Variants in GATAD2A observed in about 807,000 individuals in gnomAD.
GATAD2A encodes transcriptional repressor p66-alpha.
GATAD2A carries 12 observed loss-of-function variants against 68.5 expected under a neutral mutation model. The ratio of observed to expected loss-of-function variants is 0.18; its 90% CI spans 0.11 to 0.28. GATAD2A has a LOEUF of 0.28. GATAD2A is among the 10% of genes least tolerant of loss of function. GATAD2A has a pLI of 1.00. For synonymous variants in GATAD2A, 410 were observed against 375.3 expected, an observed-to-expected ratio of 1.09 and a Z score of -1.07; for missense variants, 755 against 868.5, an observed-to-expected ratio of 0.87 and a Z score of 1.64.
chr19:19,407,855 T>A, intron 1 of GATAD2A, among the ~76,000 whole-genome samples: 1 of 152,262 alleles, frequency 6.6e-6, no homozygotes, highest in East Asian at 1.9e-4. Flanking sequence ...AGGGATTTTC[T>A]GTATCCTCTG....
At chr19:19,451,965 A>C (rs538080471) in intron 1 of GATAD2A, among the ~76,000 whole-genome samples, 40 of 152,224 alleles carry the variant, frequency 2.6e-4, no homozygotes, top group Non-Finnish European at 5.7e-4. Flanking sequence ...TGGCCTCCCA[A>C]AGTGCTGGGA....
In GATAD2A at chr19:19,498,571, G is replaced by A. The variant is rs750903940; in HGVS notation, c.1053G>A (p.Ala351=). Residue 351 remains alanine (A), a synonymous_variant, in exon 8 of 12, where the codon GCG becomes GCA. Coordinates refer to ENST00000683918, the MANE Select transcript of GATAD2A (RefSeq NM_001384528.1). ...PASRQAAAKL[A]LRKQLEKTLL... ...GCCGACAGGCGGCCGCCAAGCTGGC[G>A]CTGCGCAAACAGCTGGAGAAGACGC... 13 of 1,613,766 alleles carry A rather than the reference G, an allele frequency of 8.1e-6. No homozygotes were observed. In the East Asian group the frequency reaches 1.1e-4, roughly 14 times the overall value.
In GATAD2A at chr19:19,507,812, C is replaced by T. The variant is rs189090856; in HGVS notation, c.*2338C>T. Reference sequence around the variant, plus strand: ...AGATGCCTTAATCTTTCCTTCATTTCTGCTGTCTCGAACACTCTAGCCCAT... The same window carrying T: ...AGATGCCTTAATCTTTCCTTCATTTTTGCTGTCTCGAACACTCTAGCCCAT... On this transcript the variant is annotated 3_prime_UTR_variant, in exon 12 of 12. Coordinates refer to ENST00000683918, the MANE Select transcript of GATAD2A (RefSeq NM_001384528.1). 1 of 152,264 alleles carries T rather than the reference C, an allele frequency of 6.6e-6. No homozygotes were observed. Among genetic ancestry groups the T allele is most frequent in the East Asian group, 1.9e-4 (1 of 5,192 alleles). 9.4% of individuals were successfully genotyped at this position (152,264 alleles called of 1,614,324 possible).
At chr19:19,438,572 T>G (rs951489922) in intron 1 of GATAD2A, among the ~76,000 whole-genome samples, 1 of 152,240 alleles carries the variant, frequency 6.6e-6, no homozygotes, top group Admixed American at 6.5e-5. Flanking sequence ...TGGCCCTTTC[T>G]TAACTCAGAA....
In GATAD2A at chr19:19,492,288, A is replaced by G. The variant is rs989612914; in HGVS notation, c.270-18A>G. ...AGCTGTCAAGGGCGCTCTGGTCACT[A>G]CTGTCTCCACCCCACAGTGACATGA... On this transcript the variant is annotated intron_variant, in intron 2 of 11. Transcript: ENST00000683918. The G allele has an allele frequency of 6.3e-7, 1 of 1,594,574 alleles. No homozygotes were observed. The highest frequency in any genetic ancestry group is 1.7e-5 in the Admixed American group (1 of 57,288).
chr19:19,411,964 C>T (rs759512494), intron 1 of GATAD2A, among the ~76,000 whole-genome samples: 3 of 151,996 alleles, frequency 2.0e-5, no homozygotes, highest in Non-Finnish European at 4.4e-5. Flanking sequence ...CAAGGCCGGG[C>T]GCGGCAGCTC....
Position 19,410,840 on chromosome 19 carries a change from C to T in GATAD2A, c.-7+4821C>T, listed in dbSNP as rs539218615. On this transcript the variant is annotated intron_variant, in intron 1 of 11. Coordinates refer to ENST00000683918, the MANE Select transcript of GATAD2A (RefSeq NM_001384528.1). ...TAGCGAAAGACCTTGTTGAACATCA[C>T]CCCTGTTTCCCATTTCTGTCAAGGG... is the stretch of plus-strand genomic sequence containing the variant. 5.9e-5 allele frequency among the ~76,000 whole-genome samples: 9 copies of T among 152,332 alleles called. No homozygotes were observed. The South Asian group carries it at 1.7e-3, about 28-fold the overall frequency.
In GATAD2A at chr19:19,492,574, C is replaced by T. The variant is rs1197277979; in HGVS notation, c.403-7C>T. The T allele has an allele frequency of 3.7e-6, 6 of 1,614,198 alleles. No homozygotes were observed. Among genetic ancestry groups the T allele is most frequent in the Non-Finnish European group, 4.2e-6 (5 of 1,180,020 alleles). On this transcript the variant is annotated splice_region_variant and splice_polypyrimidine_tract_variant and intron_variant, in intron 3 of 11. Coordinates refer to ENST00000683918, the MANE Select transcript of GATAD2A (RefSeq NM_001384528.1). ...CCCTCTCAACCCTGTTCCTCTCGCCCCTGCAGAAAAGCAGTCCTGAAGAAC... is the reference window on the plus strand; with the variant it reads ...CCCTCTCAACCCTGTTCCTCTCGCCTCTGCAGAAAAGCAGTCCTGAAGAAC...
In GATAD2A at chr19:19,465,545, C is replaced by T. The variant is rs370240766; in HGVS notation, c.200C>T (p.Thr67Met). ...TQGLLRATEA[T>M]AMAMGRGEGL... ...GGATTGCTGAGGGCAACAGAGGCCACGGCCATGGCCATGGGCAGAGGCGAA... is the reference window on the plus strand; with the variant it reads ...GGATTGCTGAGGGCAACAGAGGCCATGGCCATGGCCATGGGCAGAGGCGAA... The change falls in exon 2 of 12, where the codon ACG (threonine) becomes ATG (methionine). Residue 67 changes from threonine to methionine, a missense_variant. By Grantham distance (81) the Thr-to-Met change is moderately conservative. Coordinates refer to ENST00000683918, the MANE Select transcript of GATAD2A (RefSeq NM_001384528.1). 3.4e-5 allele frequency: 55 copies of T among 1,612,354 alleles called. No homozygotes were observed. Among genetic ancestry groups the T allele is most frequent in the Non-Finnish European group, 4.5e-5 (53 of 1,178,518 alleles).
exon 1 of GATAD2A, chr19:19,385,867 G>C (rs1385979093): frequency 6.6e-6 from 1 of 151,708 alleles, no homozygotes; most frequent in African/African-American, 2.4e-5. Context: ...CCGCGAGACT[G>C]AGCTGCGGCT....
At chr19:19,487,149 C>T (rs1303171513) in intron 2 of GATAD2A, among the ~76,000 whole-genome samples, 2 of 152,238 alleles carry the variant, frequency 1.3e-5, no homozygotes, top group Non-Finnish European at 2.9e-5. Context: ...ATTCCTGGCT[C>T]TGAGGACATG....
At chr19:19,504,848 G>T (rs1034733982) in intron 11 of GATAD2A, among the ~76,000 whole-genome samples, 2 of 151,858 alleles carry the variant, frequency 1.3e-5, no homozygotes, top group African/African-American at 2.4e-5. Context: ...TCACTATGTT[G>T]CCCAGGCTGG....
intron 1 of GATAD2A, among the ~76,000 whole-genome samples, chr19:19,395,441 C>T (rs1299772345): frequency 6.6e-6 from 1 of 151,248 alleles, no homozygotes; most frequent in Non-Finnish European, 1.5e-5. Context: ...GGCAACAGAG[C>T]GAGATTCCGT....
intron 2 of GATAD2A, among the ~76,000 whole-genome samples, chr19:19,475,481 A>C (rs2058614441): frequency 9.8e-4 from 2 of 2,036 alleles, no homozygotes; most frequent in African/African-American, 3.6e-3. Flanking sequence ...GGCTCTCTGG[A>C]GCCCCCCCCC....
In GATAD2A at chr19:19,453,712, C is replaced by T. The variant is rs182962631; in HGVS notation, c.-6-11628C>T. ...TTTTTTTTGAGACGGAGTCTTGCTC[C>T]GTCGCCCAGGCTGGAGCGCAGTGGA... On this transcript the variant is annotated intron_variant, in intron 1 of 11. Coordinates refer to ENST00000683918, the MANE Select transcript of GATAD2A (RefSeq NM_001384528.1). Among the ~76,000 whole-genome samples the T allele has an allele frequency of 9.9e-5, 15 of 151,188 alleles. No individual in the cohort carries two copies. The East Asian group carries it at 2.3e-3, about 24-fold the overall frequency.
In GATAD2A at chr19:19,483,691, T is replaced by C. The variant is rs571388084; in HGVS notation, c.270-8615T>C. 1.0e-4 allele frequency among the ~76,000 whole-genome samples: 15 copies of C among 150,752 alleles called. No individual in the cohort carries two copies. The South Asian group carries it at 2.3e-3, about 23-fold the overall frequency. ...GTGCAGTGGCACAATCTCGGCTCAC[T>C]GCAAACTCCACCTCCCGGGTTCACG... On this transcript the variant is annotated intron_variant, in intron 2 of 11. Transcript: ENST00000683918.
upstream of GATAD2A, among the ~76,000 whole-genome samples, chr19:19,401,543 TC>T (rs1005736216): frequency 5.9e-5 from 9 of 152,106 alleles, no homozygotes; most frequent in African/African-American, 2.2e-4. Flanking sequence ...GAATACATTT[TC>T]TGCATTGAAA....
intron 1 of GATAD2A, among the ~76,000 whole-genome samples, chr19:19,439,290 G>T (rs1428609120): frequency 6.6e-6 from 1 of 152,212 alleles, no homozygotes; most frequent in Non-Finnish European, 1.5e-5. Context: ...GCCTAGTGCT[G>T]GGTGTTAAGG....
intron 1 of GATAD2A, among the ~76,000 whole-genome samples, chr19:19,446,738 T>C (rs1047495318): frequency 2.6e-5 from 4 of 152,198 alleles, no homozygotes; most frequent in African/African-American, 7.2e-5. Context: ...GTTTTTATTT[T>C]TTTGTAGAGA....
Sources: allele counts gnomAD v4.1 joint callset (sites outside exome capture counted in the v4.1 genomes callset), GRCh38; gene constraint gnomAD v4.1.1; transcripts MANE v1.5; gene names NCBI Gene and HGNC (gene_info 2026-07-23, HGNC 2026-07-21).